The following OAS2 variants were observed in gnomAD, a reference collection of about 807,000 sequenced individuals.
OAS2 encodes the protein 2'-5'-oligoadenylate synthase 2.
OAS2 carries 67 observed loss-of-function variants against 71.3 expected under a neutral mutation model. The ratio of observed to expected loss-of-function variants is 0.94; its 90% CI spans 0.77 to 1.15. OAS2 has a LOEUF of 1.15. Ranked by LOEUF, OAS2 falls within the 50% of genes most tolerant of loss-of-function variation. The pLI is 0.00. For synonymous variants in OAS2, 327 were observed against 321.8 expected (o/e 1.02, Z -0.17); for missense variants, 789 against 822.5 (o/e 0.96, Z 0.50).
chr12:113,009,031 A>G (rs1432777825), intron 9 of OAS2, 56 bp from the exon 10 acceptor site: 1 of 1,571,488 alleles, frequency 6.4e-7, no homozygotes, highest in Non-Finnish European at 8.6e-7. Flanking sequence ...ATGGACCCCA[A>G]ATTCTGAAGT....
At chr12:113,005,329 C>A in intron 7 of OAS2, 107 bp downstream of exon 7, 1 of 1,101,858 alleles carries the variant, frequency 9.1e-7, no homozygotes, top group Non-Finnish European at 1.3e-6. Flanking sequence ...TCATGGGTCC[C>A]TGGCCCCAGC....
In OAS2 at chr12:113,010,697, T is replaced by G. The variant is rs559905236; in HGVS notation, c.*1442T>G. The G allele has an allele frequency of 1.5e-4, 73 of 474,796 alleles. 2 individuals are homozygous for G. In the South Asian group the frequency reaches 3.3e-3, roughly 22 times the overall value. The allele number at this position is 474,796 out of a possible 1,614,324, so 29.4% of individuals were successfully genotyped here. A position where few individuals can be genotyped will look rare whatever the true frequency, so the allele number is the denominator to read the frequency against. ...TTAAAAATAGTTGCTGTCATCCACT[T>G]TATGTGCATCTTATTTCTGTCAACT... is the stretch of plus-strand genomic sequence containing the variant. On this transcript the variant is annotated 3_prime_UTR_variant, in exon 10 of 10. Coordinates refer to ENST00000392583, the MANE Select transcript of OAS2 (RefSeq NM_002535.3).
At chr12:113,005,255 T>C (rs945137035) in intron 7 of OAS2, 33 bp downstream of exon 7, 12 of 1,591,134 alleles carry the variant, frequency 7.5e-6, no homozygotes, top group Admixed American at 1.7e-5. Flanking sequence ...TTGGAAGTGA[T>C]GGTGGACAGA....
At chr12:113,007,350 C>T (rs2044343550) in intron 8 of OAS2, among the ~76,000 whole-genome samples, 1 of 152,174 alleles carries the variant, frequency 6.6e-6, no homozygotes. Flanking sequence ...CACTCCACTT[C>T]CCGCAGCTTC....
intron 1 of OAS2, among the ~76,000 whole-genome samples, chr12:112,981,405 A>G (rs1345511728): frequency 6.6e-6 from 1 of 152,138 alleles, no homozygotes; most frequent in African/African-American, 2.4e-5. Context: ...AAGATGACAG[A>G]CGGGGGCCTA....
intron 4 of OAS2, 37 bp downstream of exon 4, chr12:112,997,792 C>T (rs1319390832): frequency 2.1e-6 from 3 of 1,418,218 alleles, no homozygotes; most frequent in African/African-American, 2.9e-5. Flanking sequence ...TGTACCTCAT[C>T]ATCCGCATGC....
At chr12:112,987,505 G>C (rs1375193482) in intron 2 of OAS2, 197 bp downstream of exon 2, 140 of 1,421,474 alleles carry the variant, frequency 9.8e-5, no homozygotes, top group Non-Finnish European at 1.3e-4. Flanking sequence ...CCCATACCCT[G>C]ATTGTCTTTG....
intron 2 of OAS2, among the ~76,000 whole-genome samples, chr12:112,991,393 C>T (rs569696099): frequency 1.3e-5 from 2 of 152,258 alleles, no homozygotes; most frequent in African/African-American, 2.4e-5. Context: ...TGAGGATGCG[C>T]ACCCGTAACA....
At position 113,006,441 on chromosome 12, in the gene OAS2, C is replaced by T; in HGVS notation, c.1497C>T (p.Ser499=). 1.3e-6 allele frequency: 2 copies of T among 1,580,166 alleles called. No homozygotes were observed. Among genetic ancestry groups the T allele is most frequent in the Non-Finnish European group, 1.7e-6 (2 of 1,154,314 alleles). ...LGQLSSGSTP[S]PEVYAGLIDL... ...AGCTGAGTTCTGGCTCCACACCCAG[C>T]CCCGAGGTTTATGCAGGGCTCATTG... Residue 499 remains serine (S), a synonymous_variant, in exon 8 of 10, where the codon AGC becomes AGT. Coordinates refer to ENST00000392583, the MANE Select transcript of OAS2 (RefSeq NM_002535.3).
intron 3 of OAS2, among the ~76,000 whole-genome samples, 184 bp from the exon 4 acceptor site, chr12:112,997,336 G>A (rs938952373): frequency 3.3e-5 from 5 of 151,948 alleles, no homozygotes; most frequent in African/African-American, 1.2e-4. Context: ...CCTAAGAGAG[G>A]TCCCTGCTCC....
At chr12:112,982,672 G>A (rs1301469166) in intron 1 of OAS2, among the ~76,000 whole-genome samples, 2 of 152,146 alleles carry the variant, frequency 1.3e-5, no homozygotes, top group Non-Finnish European at 2.9e-5. Flanking sequence ...TGGTATCAGG[G>A]TAATGCTGAC....
chr12:113,008,910 G>A (rs1352851956), intron 9 of OAS2, among the ~76,000 whole-genome samples, 177 bp from the exon 10 acceptor site: 4 of 152,202 alleles, frequency 2.6e-5, no homozygotes, highest in Non-Finnish European at 4.4e-5. Flanking sequence ...TTACAGGCAT[G>A]AGCCACTGCA....
rs539825377 is a variant in OAS2 at position 112,987,280 on chromosome 12, C to T, written c.420C>T (p.Phe140=). ...TCACAAAAAATCAGAGAATCTCTTT[C>T]GAGGTGCTGGCCGCCTTCAACGCTC... ...QVFTKNQRIS[F]EVLAAFNALS... The change falls in exon 2 of 10, where the codon TTC becomes TTT. Residue 140 remains phenylalanine (F), a synonymous_variant. Coordinates refer to ENST00000392583, the MANE Select transcript of OAS2 (RefSeq NM_002535.3). 23 of 1,613,864 alleles carry T rather than the reference C, an allele frequency of 1.4e-5. No homozygotes were observed. In the African/African-American group the frequency reaches 1.6e-4, roughly 11 times the overall value.
At chr12:113,008,947 C>T (rs2044357183) in intron 9 of OAS2, 140 bp from the exon 10 acceptor site, 4 of 1,400,000 alleles carry the variant, frequency 2.9e-6, no homozygotes, top group East Asian at 4.9e-5. Flanking sequence ...TTACTTTGAA[C>T]CCTACTAGTA....
chr12:112,993,935 G>T (rs1460085584), intron 2 of OAS2, among the ~76,000 whole-genome samples: 2 of 134,136 alleles, frequency 1.5e-5, no homozygotes, highest in Non-Finnish European at 3.1e-5. Context: ...GTTTGTTTTT[G>T]TTTCTATTTG....
chr12:112,979,737 C>T (rs149140088), intron 1 of OAS2, among the ~76,000 whole-genome samples: 1 of 152,174 alleles, frequency 6.6e-6, no homozygotes, highest in Non-Finnish European at 1.5e-5. Flanking sequence ...ACAAAACATT[C>T]TCAGCCCCCC....
intron 3 of OAS2, among the ~76,000 whole-genome samples, chr12:112,996,138 A>G (rs1233190406): frequency 6.6e-6 from 1 of 152,070 alleles, no homozygotes; most frequent in East Asian, 1.9e-4. Flanking sequence ...CCCATATTCA[A>G]TTGTATTAAT....
intron 4 of OAS2, among the ~76,000 whole-genome samples, chr12:112,998,050 C>T (rs2044251472): frequency 6.6e-6 from 1 of 152,116 alleles, no homozygotes; most frequent in African/African-American, 2.4e-5. Context: ...AAGAGGAGAC[C>T]ACTTTGTTAT....
At chr12:113,001,075 G>A (rs1435835537) in intron 5 of OAS2, among the ~76,000 whole-genome samples, 1 of 152,146 alleles carries the variant, frequency 6.6e-6, no homozygotes, top group Non-Finnish European at 1.5e-5. Context: ...CAGGCACAGT[G>A]GCTCACACCT....
Sources: gnomAD v4.1 joint callset for allele counts (sites outside exome capture counted in the v4.1 genomes callset) on GRCh38, gnomAD v4.1.1 for gene constraint, MANE v1.5 for transcripts, NCBI Gene and HGNC (gene_info 2026-07-23, HGNC 2026-07-21) for gene names.